ZFHX4: variants seen among roughly 807,000 people sequenced by gnomAD.
ZFHX4 encodes zinc finger homeobox protein 4.
A neutral mutation model predicts 267.6 loss-of-function variants in ZFHX4; 56 were observed. The ratio of observed to expected loss-of-function variants is 0.21; its 90% CI spans 0.17 to 0.26. The LOEUF is 0.26. Among genes scored for constraint, ZFHX4 ranks in the 10% least tolerant of loss-of-function variants. ZFHX4 has a pLI of 1.00. For missense variants in ZFHX4, 4,332 were observed against 4,420.0 expected (o/e 0.98, Z 0.56); for synonymous variants, 1,778 against 1,665.6 (o/e 1.07, Z -1.64).
At chr8:76,741,897 G>C (rs193164513) in intron 3 of ZFHX4, among the ~76,000 whole-genome samples, 8 of 152,296 alleles carry the variant, frequency 5.3e-5, no homozygotes, top group African/African-American at 1.9e-4. Flanking sequence ...GACAGGAGCA[G>C]AAAAGTTTCT....
intron 4 of ZFHX4, among the ~76,000 whole-genome samples, chr8:76,795,827 T>C (rs1810967274): frequency 6.6e-6 from 1 of 151,410 alleles, no homozygotes; most frequent in Non-Finnish European, 1.5e-5. Context: ...GTCTTCCAAG[T>C]TGCCACAGCT....
At position 76,778,371 on chromosome 8, in the gene ZFHX4, G is replaced by A. The variant is rs377109537; in HGVS notation, c.3257G>A (p.Gly1086Asp). ...CGGAAGCTCCAGCTCCACCAGCAAGGCCTGGCACCAGAGGAGGACAACCTC... is the reference window on the plus strand; with the variant it reads ...CGGAAGCTCCAGCTCCACCAGCAAGACCTGGCACCAGAGGAGGACAACCTC... ...GLRKLQLHQQ[G>D]LAPEEDNLSE... is the part of the protein sequence containing the mutation. The change falls in exon 4 of 11, where the codon GGC (glycine) becomes GAC (aspartate). Residue 1086 changes from glycine (G) to aspartate (D), a missense_variant. By Grantham distance (94) the Gly-to-Asp change is moderately conservative (BLOSUM62 -1). Around this residue, in one of 7 missense-constraint regions of ZFHX4, gnomAD observed 1,371 missense variants for 1,423.1 expected, o/e 0.96. Coordinates refer to ENST00000651372, the MANE Select transcript of ZFHX4 (RefSeq NM_024721.5). 115 of 1,613,722 alleles carry A rather than the reference G, an allele frequency of 7.1e-5. No homozygotes were observed. The highest frequency in any genetic ancestry group is 9.3e-5 in the Non-Finnish European group (110 of 1,179,830).
rs1240355134 is a variant in ZFHX4, at chr8:76,705,857, A to G, written c.1769A>G (p.Gln590Arg). The change falls in exon 2 of 11, where the codon CAG (glutamine) becomes CGG (arginine). Residue 590 changes from glutamine to arginine, a missense_variant. This residue lies in a region of ZFHX4 where 1,195 missense variants were observed against 1,173.6 expected (regional missense o/e 1.02). Coordinates refer to ENST00000651372, the MANE Select transcript of ZFHX4 (RefSeq NM_024721.5). ...GAAGACAGTTCAGCCACTCCTCACC[A>G]GCATGGCTTTACCCCGAGTACTCCT... ...GDEDSSATPH[Q>R]HGFTPSTPGT... 1.2e-6 allele frequency: 2 copies of G among 1,613,876 alleles called. No individual in the cohort carries two copies. The highest frequency in any genetic ancestry group is 4.5e-5 in the East Asian group (2 of 44,842).
intron 4 of ZFHX4, among the ~76,000 whole-genome samples, chr8:76,803,072 C>T (rs1811154151): frequency 6.6e-6 from 1 of 152,110 alleles, no homozygotes; most frequent in South Asian, 2.1e-4. Flanking sequence ...CCATTTTTCA[C>T]TAATTCCTGT....
chr8:76,704,764 A>G lies in ZFHX4; in HGVS notation c.676A>G (p.Ser226Gly), dbSNP rs1808201894. ...ALAGVGPVLH[S>G]FRVYDLRHKR... ...AGCAGGAGTTGGTCCTGTGTTGCAC[A>G]GTTTCCGTGTCTATGATCTCCGACA... The change falls in exon 2 of 11, where the codon AGT becomes GGT. Residue 226 changes from serine to glycine, a missense_variant. Physicochemically the swap from Ser to Gly is moderately conservative, Grantham distance 56. Coordinates refer to ENST00000651372, the MANE Select transcript of ZFHX4 (RefSeq NM_024721.5). 1.2e-6 allele frequency: 2 copies of G among 1,613,854 alleles called. No individual in the cohort carries two copies. Among genetic ancestry groups the G allele is most frequent in the Non-Finnish European group, 1.7e-6 (2 of 1,179,906 alleles).
intron 4 of ZFHX4, among the ~76,000 whole-genome samples, chr8:76,821,943 C>T (rs1426029743): frequency 6.6e-6 from 1 of 151,966 alleles, no homozygotes; most frequent in East Asian, 1.9e-4. Context: ...ACCATTAATG[C>T]ATTGTCCTCT....
Position 76,864,596 on chromosome 8 carries a change from A to T in ZFHX4, c.*31A>T, listed in dbSNP as rs1221072498. On this transcript the variant is annotated 3_prime_UTR_variant, in exon 11 of 11. Transcript: ENST00000651372. ...AAGACAGGATCCCGTGCTTAAAAAAATAAAAAATAAAAAAATAAAAAAAAA... is the reference window on the plus strand; with the variant it reads ...AAGACAGGATCCCGTGCTTAAAAAATTAAAAAATAAAAAAATAAAAAAAAA... 2.3e-6 allele frequency: 3 copies of T among 1,318,640 alleles called. No individual in the cohort carries two copies. In the Admixed American group the frequency reaches 1.3e-4, roughly 56 times the overall value. The allele number at this position is 1,318,640 out of a possible 1,614,324, so 81.7% of individuals were successfully genotyped here.
At chr8:76,721,799 AT>A (rs1808728346) in intron 3 of ZFHX4, among the ~76,000 whole-genome samples, 1 of 152,162 alleles carries the variant, frequency 6.6e-6, no homozygotes, top group African/African-American at 2.4e-5. Flanking sequence ...CAGTAACAGT[AT>A]AATTGGAGTC....
In ZFHX4 at chr8:76,740,168, T is replaced by G. The variant is rs185493363; in HGVS notation, c.3093+32120T>G. ...TTTAGTTTTGGTCAGGAGAGTCTTG[T>G]GTAAGGTTCATCTAGAAAAATTCTG... On this transcript the variant is annotated intron_variant, in intron 3 of 10. Coordinates refer to ENST00000651372, the MANE Select transcript of ZFHX4 (RefSeq NM_024721.5). Among the ~76,000 whole-genome samples, 61 of 152,256 alleles carry G rather than the reference T, an allele frequency of 4.0e-4. No homozygotes were observed. In the East Asian group the frequency reaches 0.01, roughly 26 times the overall value.
chr8:76,723,074 T>C (rs769877007), intron 3 of ZFHX4, among the ~76,000 whole-genome samples: 2 of 152,082 alleles, frequency 1.3e-5, no homozygotes, highest in African/African-American at 2.4e-5. Flanking sequence ...ATATACATTC[T>C]TTCTTAGAAG....
At chr8:76,836,390 T>C (rs534660173) in intron 5 of ZFHX4, among the ~76,000 whole-genome samples, 69 of 152,260 alleles carry the variant, frequency 4.5e-4, no homozygotes, top group African/African-American at 1.4e-3. Flanking sequence ...TGGTAGTGAT[T>C]CTGCTAAAAT....
At chr8:76,787,444 T>C (rs1293758846) in intron 4 of ZFHX4, among the ~76,000 whole-genome samples, 1 of 151,822 alleles carries the variant, frequency 6.6e-6, no homozygotes, top group Non-Finnish European at 1.5e-5. Context: ...ACAGGGTGTG[T>C]TGGAGGTCAG....
chr8:76,727,835 T>G (rs1808893082), intron 3 of ZFHX4, among the ~76,000 whole-genome samples: 1 of 152,132 alleles, frequency 6.6e-6, no homozygotes, highest in Non-Finnish European at 1.5e-5. Flanking sequence ...CTGGCCAGGA[T>G]TTCAAATACA....
intron 3 of ZFHX4, among the ~76,000 whole-genome samples, chr8:76,751,439 G>A (rs1809611618): frequency 6.6e-6 from 1 of 152,128 alleles, no homozygotes; most frequent in African/African-American, 2.4e-5. Context: ...AATTAATAAT[G>A]CCACTCAGAA....
chr8:76,769,158 G>A (rs1810191743), intron 3 of ZFHX4, among the ~76,000 whole-genome samples: 1 of 152,098 alleles, frequency 6.6e-6, no homozygotes. Flanking sequence ...TTTCAAGAAA[G>A]TAGGAGTCAG....
chr8:76,821,968 G>C (rs1421279392), intron 4 of ZFHX4, among the ~76,000 whole-genome samples: 5 of 151,576 alleles, frequency 3.3e-5, no homozygotes, highest in Non-Finnish European at 1.5e-5. Flanking sequence ...CCCTCCACTT[G>C]CTCTCTGTTT....
chr8:76,764,224 A>G (rs1809994238), intron 3 of ZFHX4, among the ~76,000 whole-genome samples: 2 of 152,220 alleles, frequency 1.3e-5, no homozygotes, highest in Admixed American at 1.3e-4. Context: ...ATTGAGATTA[A>G]TTTGTCTGGA....
chr8:76,720,487 T>TATA (rs1808690436), intron 3 of ZFHX4, among the ~76,000 whole-genome samples: 1 of 152,128 alleles, frequency 6.6e-6, no homozygotes, highest in African/African-American at 2.4e-5. Flanking sequence ...ATATACAAGG[T>TATA]TTTGTGTGGA....
At chr8:76,779,792 C>A (rs1429316036) in intron 4 of ZFHX4, among the ~76,000 whole-genome samples, 1 of 152,032 alleles carries the variant, frequency 6.6e-6, no homozygotes, top group Non-Finnish European at 1.5e-5. Context: ...TCTGCAGAGA[C>A]CAGCAATCAC....
Sources: allele counts gnomAD v4.1 joint callset (sites outside exome capture counted in the v4.1 genomes callset), GRCh38; gene constraint gnomAD v4.1.1; regional missense constraint gnomAD v4.1.1; transcripts MANE v1.5; gene names NCBI Gene and HGNC (gene_info 2026-07-23, HGNC 2026-07-21).